The following IFRD1 variants were observed in gnomAD, a reference collection of about 807,000 sequenced individuals.
IFRD1 encodes the protein interferon-related developmental regulator 1.
A neutral mutation model predicts 52.9 loss-of-function variants in IFRD1; 35 were observed. The ratio of observed to expected loss-of-function variants is 0.66; its 90% CI spans 0.51 to 0.88. IFRD1 has a LOEUF of 0.88. Among genes scored for constraint, IFRD1 ranks in the 40% least tolerant of loss-of-function variants. IFRD1 has a pLI of 0.00. For synonymous variants in IFRD1, 184 were observed against 188.4 expected, an observed-to-expected ratio of 0.98 and a Z score of 0.19; for missense variants, 517 against 550.8, an observed-to-expected ratio of 0.94 and a Z score of 0.61.
intron 1 of IFRD1, among the ~76,000 whole-genome samples, chr7:112,439,650 C>A (rs929336727): frequency 2.6e-5 from 4 of 152,062 alleles, no homozygotes; most frequent in Non-Finnish European, 2.9e-5. Flanking sequence ...ATGACAACAT[C>A]CAGAAAAAGA....
At chr7:112,456,465 T>C (rs1291714221) in intron 3 of IFRD1, among the ~76,000 whole-genome samples, 2 of 152,158 alleles carry the variant, frequency 1.3e-5, no homozygotes, top group African/African-American at 4.8e-5. Context: ...ACTAATGTTA[T>C]GATATGAAAA....
Position 112,477,193 on chromosome 7 carries a change from G to A in IFRD1, c.*1674G>A, listed in dbSNP as rs1267532658. Reference sequence around the variant, plus strand: ...AATAATGAATTTTTATTAAAGTGTTGTATGAACATAGGTTTTTGTTTGTTT... The same window carrying A: ...AATAATGAATTTTTATTAAAGTGTTATATGAACATAGGTTTTTGTTTGTTT... On this transcript the variant is annotated 3_prime_UTR_variant, in exon 12 of 12. Coordinates refer to ENST00000403825, the MANE Select transcript of IFRD1 (RefSeq NM_001550.4). The A allele has an allele frequency of 2.0e-5, 3 of 152,160 alleles. No homozygotes were observed. In the East Asian group the frequency reaches 5.8e-4, roughly 29 times the overall value. The allele number at this position is 152,160 out of a possible 1,614,324, so 9.4% of individuals were successfully genotyped here. A position where few individuals can be genotyped will look rare whatever the true frequency, so the allele number is the denominator to read the frequency against.
intron 3 of IFRD1, 24 bp from the exon 4 acceptor site, chr7:112,456,890 T>C: frequency 3.1e-6 from 5 of 1,611,890 alleles, no homozygotes; most frequent in Non-Finnish European, 4.2e-6. Context: ...GGATCTTCTT[T>C]CTCTTACATT....
At chr7:112,425,586 G>C (rs1794410016) in intron 1 of IFRD1, among the ~76,000 whole-genome samples, 1 of 152,210 alleles carries the variant, frequency 6.6e-6, no homozygotes, top group Non-Finnish European at 1.5e-5. Context: ...GGGTTGCACT[G>C]TTGGCTTCCC....
intron 9 of IFRD1, among the ~76,000 whole-genome samples, chr7:112,469,211 TA>T (rs544328115): frequency 6.7e-4 from 102 of 152,318 alleles, no homozygotes; most frequent in African/African-American, 2.3e-3. Context: ...AATGAGAATT[TA>T]AACTGGAGAT....
upstream of IFRD1, among the ~76,000 whole-genome samples, chr7:112,448,484 T>C (rs546910742): frequency 3.9e-5 from 6 of 152,218 alleles, no homozygotes; most frequent in East Asian, 1.9e-4. Context: ...ATAAAAGTTA[T>C]TGAGTCTACA....
At chr7:112,454,708 A>C (rs374963491) in intron 1 of IFRD1, among the ~76,000 whole-genome samples, 1 of 152,026 alleles carries the variant, frequency 6.6e-6, no homozygotes, top group Non-Finnish European at 1.5e-5. Flanking sequence ...TCACCAGTTC[A>C]TGTTTGCTAA....
chr7:112,452,911 G>C (rs1471696425), intron 1 of IFRD1, among the ~76,000 whole-genome samples: 1 of 152,136 alleles, frequency 6.6e-6, no homozygotes, highest in Non-Finnish European at 1.5e-5. Flanking sequence ...CTTGTTAACT[G>C]TGGTTACCTC....
chr7:112,432,196 T>C (rs1445026470), intron 1 of IFRD1, among the ~76,000 whole-genome samples: 2 of 152,254 alleles, frequency 1.3e-5, no homozygotes, highest in Non-Finnish European at 2.9e-5. Flanking sequence ...GCCTACTGTG[T>C]ACTGGGCATT....
intron 8 of IFRD1, among the ~76,000 whole-genome samples, chr7:112,463,367 T>C (rs1367332004): frequency 6.6e-6 from 1 of 152,186 alleles, no homozygotes; most frequent in Non-Finnish European, 1.5e-5. Flanking sequence ...AGTGAACGGT[T>C]CCAAACAGGA....
chr7:112,468,204 A>G, intron 9 of IFRD1, 89 bp downstream of exon 9: 1 of 1,365,640 alleles, frequency 7.3e-7, no homozygotes, highest in Non-Finnish European at 1.0e-6. Flanking sequence ...TTGTTGATTG[A>G]ATTTCACCTT....
Position 112,453,166 on chromosome 7 carries a change from A to G in IFRD1, c.94+2384A>G, listed in dbSNP as rs1563264785. Among the ~76,000 whole-genome samples the G allele has an allele frequency of 2.0e-5, 3 of 152,290 alleles. No homozygotes were observed. The East Asian group carries it at 5.8e-4, about 29-fold the overall frequency. Reference sequence around the variant, plus strand: ...ACTATGTAACCAAATTGTCATTATTACTTTAATGAGTTTTCTATTTAAACT... The same window carrying G: ...ACTATGTAACCAAATTGTCATTATTGCTTTAATGAGTTTTCTATTTAAACT... On this transcript the variant is annotated intron_variant, in intron 1 of 11. Transcript: ENST00000403825.
At chr7:112,448,126 TAAA>T (rs33983901), upstream of IFRD1, among the ~76,000 whole-genome samples, 1 of 132,960 alleles carries the variant, frequency 7.5e-6, no homozygotes, top group Admixed American at 7.6e-5. Flanking sequence ...CCTGTAGATT[TAAA>T]AAAAAAAAAA....
At chr7:112,438,586 A>G (rs767705098) in intron 1 of IFRD1, among the ~76,000 whole-genome samples, 1 of 152,220 alleles carries the variant, frequency 6.6e-6, no homozygotes, top group East Asian at 1.9e-4. Flanking sequence ...AAAATTTATC[A>G]TAAGAAACAG....
In IFRD1 at chr7:112,453,457, A is replaced by AT. The variant is rs553411430; in HGVS notation, c.95-2298dup. ...TTTTTCTTGATACATATATATGTGT[A>AT]TTTTTTTTCTTTCCCTCGAATCTTA... On this transcript the variant is annotated intron_variant, in intron 1 of 11. Coordinates refer to ENST00000403825, the MANE Select transcript of IFRD1 (RefSeq NM_001550.4). Among the ~76,000 whole-genome samples, 1,010 of 152,032 alleles carry AT rather than the reference A, an allele frequency of 6.6e-3. 3 individuals carry two copies. The highest frequency in any genetic ancestry group is 0.01 in the Non-Finnish European group (696 of 67,956).
chr7:112,432,974 A>G (rs1011055956), intron 1 of IFRD1, among the ~76,000 whole-genome samples: 6 of 152,214 alleles, frequency 3.9e-5, no homozygotes, highest in Admixed American at 2.6e-4. Flanking sequence ...TTTTTCCCCA[A>G]TGAATATATC....
At position 112,461,883 on chromosome 7, in the gene IFRD1, T is replaced by A. The variant is rs761217748; in HGVS notation, c.585T>A (p.Gly195=). The change falls in exon 6 of 12, where the codon GGT becomes GGA. Residue 195 remains glycine, a synonymous_variant. Transcript: ENST00000403825. ...TTTTTTAGTGTGCAACTTGCTTTGG[T>A]GTTTGCTGTTTTATTGCCACAGATG... ...QARQTCATCF[G]VCCFIATDDI... is the part of the protein sequence containing the mutation. 8.8e-6 allele frequency: 14 copies of A among 1,597,936 alleles called. No homozygotes were observed. The highest frequency in any genetic ancestry group is 1.2e-5 in the Non-Finnish European group (14 of 1,166,860).
At chr7:112,439,503 C>T (rs1413790693) in intron 1 of IFRD1, among the ~76,000 whole-genome samples, 4 of 152,154 alleles carry the variant, frequency 2.6e-5, no homozygotes, top group African/African-American at 4.8e-5. Flanking sequence ...ATTATAATCA[C>T]ATAAGTGGTC....
At chr7:112,475,079 C>T (rs1342497153) in intron 11 of IFRD1, among the ~76,000 whole-genome samples, 2 of 152,164 alleles carry the variant, frequency 1.3e-5, no homozygotes, top group Middle Eastern at 3.2e-3. Flanking sequence ...CTGCCTCAGC[C>T]TCCCGAGTAG....
Sources: gnomAD v4.1 joint callset for allele counts (sites outside exome capture counted in the v4.1 genomes callset) on GRCh38, gnomAD v4.1.1 for gene constraint, MANE v1.5 for transcripts, NCBI Gene and HGNC (gene_info 2026-07-23, HGNC 2026-07-21) for gene names.